Variants in ALX1 observed in about 807,000 individuals in gnomAD.
The protein encoded by ALX1 is ALX homeobox protein 1.
A neutral mutation model predicts 31.7 loss-of-function variants in ALX1; 19 were observed. The ratio of observed to expected loss-of-function variants is 0.60; its 90% CI spans 0.42 to 0.88. ALX1 has a LOEUF of 0.88. ALX1 is among the 40% of genes least tolerant of loss of function. The pLI is 0.00. For missense variants in ALX1, 415 were observed against 407.8 expected (o/e 1.02, Z -0.15); for synonymous variants, 153 against 148.8 (o/e 1.03, Z -0.20).
chr12:85,301,010 T>C (rs1174330164), intron 3 of ALX1, 145 bp from the exon 4 acceptor site: 1 of 751,538 alleles, frequency 1.3e-6, no homozygotes, highest in African/African-American at 1.8e-5. Flanking sequence ...AATTATTTTT[T>C]AGTCATTGTT....
In ALX1 at chr12:85,280,229, G is replaced by A. The variant is rs776683842; in HGVS notation, c.-33G>A. ...TCCCCCAGCGCTCTCCAGTTTCTGT[G>A]CCCCAGGAGCTACGCGACAGTCTTC... On this transcript the variant is annotated 5_prime_UTR_variant, in exon 1 of 4. Coordinates refer to ENST00000316824, the MANE Select transcript of ALX1 (RefSeq NM_006982.3). The A allele has an allele frequency of 1.3e-6, 2 of 1,573,282 alleles. No individual in the cohort carries two copies. Among genetic ancestry groups the A allele is most frequent in the Non-Finnish European group, 1.7e-6 (2 of 1,148,418 alleles).
intron 3 of ALX1, among the ~76,000 whole-genome samples, chr12:85,293,272 T>C (rs914407059): frequency 6.7e-6 from 1 of 150,062 alleles, no homozygotes; most frequent in Non-Finnish European, 1.5e-5. Context: ...TGTGTATATA[T>C]ATATATAAGT....
At chr12:85,296,594 C>T (rs888627611) in intron 3 of ALX1, among the ~76,000 whole-genome samples, 5 of 151,368 alleles carry the variant, frequency 3.3e-5, no homozygotes, top group Non-Finnish European at 7.4e-5. Flanking sequence ...ACAGAGTTCC[C>T]TGGACAGTGC....
At chr12:85,292,099 C>T (rs1896825703) in intron 3 of ALX1, among the ~76,000 whole-genome samples, 1 of 150,932 alleles carries the variant, frequency 6.6e-6, no homozygotes, top group Non-Finnish European at 1.5e-5. Flanking sequence ...CTATCATTTC[C>T]ATTAGTCATT....
chr12:85,283,684 G>A lies in ALX1; in HGVS notation c.339G>A (p.Lys113=), dbSNP rs756181121. The change falls in exon 2 of 4, where the codon AAG becomes AAA. Residue 113 remains lysine (K), a synonymous_variant. Coordinates refer to ENST00000316824, the MANE Select transcript of ALX1 (RefSeq NM_006982.3). ...CTCCCGTGAAAGGGATGCAAGAGAA[G>A]GGAGAGCTGGATGAACTTGGGGATA... is the stretch of plus-strand genomic sequence containing the variant. ...RMSPVKGMQE[K]GELDELGDKC... is the part of the protein sequence containing the mutation. The A allele has an allele frequency of 1.2e-6, 2 of 1,614,164 alleles. No homozygotes were observed. Among genetic ancestry groups the A allele is most frequent in the East Asian group, 2.2e-5 (1 of 44,876 alleles).
At chr12:85,288,032 T>C (rs1022454243) in intron 3 of ALX1, among the ~76,000 whole-genome samples, 3 of 151,536 alleles carry the variant, frequency 2.0e-5, no homozygotes, top group South Asian at 2.1e-4. Flanking sequence ...TTTATGATTC[T>C]TAAAAACCAG....
intron 2 of ALX1, 79 bp from the exon 3 acceptor site, chr12:85,286,774 T>C: frequency 7.7e-7 from 1 of 1,294,892 alleles, no homozygotes; most frequent in Non-Finnish European, 1.1e-6. Flanking sequence ...TTTACCTTTC[T>C]TGTTTGATGT....
At chr12:85,293,390 T>A (rs2137387816) in intron 3 of ALX1, among the ~76,000 whole-genome samples, 1 of 150,464 alleles carries the variant, frequency 6.6e-6, no homozygotes, top group South Asian at 2.1e-4. Flanking sequence ...TTAATTTTAA[T>A]GAAATGGAAT....
intron 1 of ALX1, among the ~76,000 whole-genome samples, chr12:85,281,382 G>A (rs906354869): frequency 2.0e-5 from 3 of 152,124 alleles, no homozygotes; most frequent in East Asian, 1.9e-4. Flanking sequence ...GCTAAAGCAC[G>A]TTTACAATTC....
chr12:85,284,201 A>C (rs1896718387), intron 2 of ALX1, among the ~76,000 whole-genome samples: 1 of 147,004 alleles, frequency 6.8e-6, no homozygotes, highest in Non-Finnish European at 1.5e-5. Flanking sequence ...ATGACTATTT[A>C]GTAATTGGTA....
chr12:85,301,003 T>C, intron 3 of ALX1, 152 bp from the exon 4 acceptor site: 1 of 737,290 alleles, frequency 1.4e-6, no homozygotes, highest in Non-Finnish European at 2.2e-6. Context: ...CTCAAGTAAT[T>C]ATTTTTTAGT....
chr12:85,301,332 T>A lies in ALX1; in HGVS notation c.838T>A (p.Phe280Ile), dbSNP rs1234091583. Residue 280 changes from phenylalanine (F) to isoleucine (I), a missense_variant, in exon 4 of 4, where the codon TTT becomes ATT. Physicochemically the swap from Phe to Ile is conservative, Grantham distance 21. This residue lies in a region of ALX1 where 174 missense variants were observed against 177.5 expected (regional missense o/e 0.98). Transcript: ENST00000316824. ...GTTCAGCCACGTGCCCCTCAACAAT[T>A]TTTTCACTGACTCTCTTCTTACTGG... ...NQFSHVPLNNFFTDSLLTGAT... is the reference protein window; with the variant it reads ...NQFSHVPLNNIFTDSLLTGAT... 6.2e-7 allele frequency: 1 copy of A among 1,613,880 alleles called. No individual in the cohort carries two copies. Among genetic ancestry groups the A allele is most frequent in the East Asian group, 2.2e-5 (1 of 44,882 alleles).
intron 3 of ALX1, among the ~76,000 whole-genome samples, chr12:85,291,591 G>C (rs936194488): frequency 6.6e-6 from 1 of 151,162 alleles, no homozygotes; most frequent in South Asian, 2.1e-4. Flanking sequence ...ACAATTTCAT[G>C]TTCTTAGGTT....
chr12:85,299,242 T>A (rs1293928902), intron 3 of ALX1, among the ~76,000 whole-genome samples: 5 of 151,432 alleles, frequency 3.3e-5, no homozygotes, highest in Non-Finnish European at 7.4e-5. Flanking sequence ...TGTGATTGAA[T>A]GTCAGAGGAA....
At chr12:85,284,597 A>G (rs1055656699) in intron 2 of ALX1, among the ~76,000 whole-genome samples, 3 of 152,166 alleles carry the variant, frequency 2.0e-5, no homozygotes, top group East Asian at 1.9e-4. Context: ...TATTCTAGTT[A>G]TTAAATTGGA....
intron 3 of ALX1, among the ~76,000 whole-genome samples, chr12:85,291,279 A>T (rs867585220): frequency 6.6e-6 from 1 of 151,128 alleles, no homozygotes; most frequent in Admixed American, 6.6e-5. Context: ...TCAGGAATAT[A>T]TAACTGATCT....
rs78372828 is a variant in ALX1 at position 85,287,967 on chromosome 12, C to T, written c.660+986C>T. On this transcript the variant is annotated intron_variant, in intron 3 of 3. Transcript: ENST00000316824. ...ACTTGAGTATTCATTTTCTTCAACA[C>T]TATGAGTACAAATTCAGTTCTTTAA... 4.7e-4 allele frequency among the ~76,000 whole-genome samples: 71 copies of T among 151,654 alleles called. No individual in the cohort carries two copies. In the East Asian group the frequency reaches 9.7e-3, roughly 21 times the overall value.
intron 3 of ALX1, among the ~76,000 whole-genome samples, chr12:85,292,256 T>C (rs866824088): frequency 3.0e-4 from 45 of 151,294 alleles, no homozygotes; most frequent in Middle Eastern, 3.4e-3. Context: ...CATACTTTCC[T>C]TTTTAAATTG....
chr12:85,285,085 C>T (rs535694265), intron 2 of ALX1, among the ~76,000 whole-genome samples: 2 of 152,130 alleles, frequency 1.3e-5, no homozygotes, highest in African/African-American at 2.4e-5. Flanking sequence ...AGTATTAACA[C>T]CCGCTGTGTA....
Sources: gnomAD v4.1 joint callset for allele counts (sites outside exome capture counted in the v4.1 genomes callset) on GRCh38, gnomAD v4.1.1 for gene constraint, gnomAD v4.1.1 regional missense constraint, MANE v1.5 for transcripts, NCBI Gene and HGNC (gene_info 2026-07-23, HGNC 2026-07-21) for gene names.